The following WDFY3 variants were observed in gnomAD, a reference collection of about 807,000 sequenced individuals.
The protein encoded by WDFY3 is WD repeat and FYVE domain-containing protein 3.
Under a neutral mutation model 409.6 loss-of-function variants are expected in WDFY3, and 66 were observed. That is an observed-to-expected ratio of 0.16 (90% CI 0.13 to 0.20). The LOEUF (loss-of-function observed/expected upper bound fraction) is 0.20, where lower values mean the gene tolerates loss of function less well. WDFY3 is among the 10% of genes least tolerant of loss of function. The pLI is 1.00. For synonymous variants in WDFY3, 1,521 were observed against 1,537.1 expected (o/e 0.99, Z 0.25); for missense variants, 3,031 against 4,298.1 (o/e 0.71, Z 8.24).
Position 84,704,318 on chromosome 4 carries a change from C to T in WDFY3, c.8442+20G>A. 6.5e-7 allele frequency: 1 copy of T among 1,544,118 alleles called. No homozygotes were observed. Among genetic ancestry groups the T allele is most frequent in the Non-Finnish European group, 8.8e-7 (1 of 1,137,300 alleles). On this transcript the variant is annotated intron_variant, in intron 55 of 67. Coordinates refer to ENST00000295888, the MANE Select transcript of WDFY3 (RefSeq NM_014991.6). ...AGTAGGCTTGTATAAAATAGAAAAA[C>T]CCCAAATTTAAAGTTTTACCTGTAG...
intron 15 of WDFY3, among the ~76,000 whole-genome samples, 171 bp from the exon 16 acceptor site, chr4:84,803,638 ATG>A (rs1023770214): frequency 6.6e-6 from 1 of 152,074 alleles, no homozygotes; most frequent in African/African-American, 2.4e-5. Context: ...GTGTGTCCGC[ATG>A]TGTGTGGGTG....
intron 2 of WDFY3, among the ~76,000 whole-genome samples, chr4:84,919,653 A>G (rs1031496695): frequency 6.6e-6 from 1 of 152,120 alleles, no homozygotes; most frequent in East Asian, 1.9e-4. Context: ...TAATGGTTTT[A>G]TAAGGGACTT....
intron 57 of WDFY3, among the ~76,000 whole-genome samples, chr4:84,696,518 T>C (rs927090320): frequency 2.6e-5 from 4 of 152,180 alleles, no homozygotes; most frequent in East Asian, 1.9e-4. Flanking sequence ...TATATATGTA[T>C]AGGAAAATAC....
At chr4:84,729,001 CATTTATACATT>C (rs1233002299) in intron 44 of WDFY3, among the ~76,000 whole-genome samples, 1 of 151,930 alleles carries the variant, frequency 6.6e-6, no homozygotes, top group African/African-American at 2.4e-5. Flanking sequence ...AGTCTTGTGA[CATTTATACATT>C]ATATAAAAAT....
At position 84,829,015 on chromosome 4, in the gene WDFY3, A is replaced by G. The variant is rs1560865520; in HGVS notation, c.945T>C (p.Asp315=). The G allele has an allele frequency of 2.5e-6, 4 of 1,609,870 alleles. No individual in the cohort carries two copies. The highest frequency in any genetic ancestry group is 3.4e-6 in the Non-Finnish European group (4 of 1,178,042). ...RIWQGYNFLC[D]LLLRLEQAKE... ...TTGAGCAGTCTTACCTAAGCAAGAG[A>G]TCACAAAGAAAATTATATCCTTGCC... is the stretch of plus-strand genomic sequence containing the variant. The change falls in exon 9 of 68, where the codon GAT becomes GAC. Residue 315 remains aspartate (D), a synonymous_variant. Transcript: ENST00000295888.
At chr4:84,676,566 G>C (rs968836668) in intron 67 of WDFY3, among the ~76,000 whole-genome samples, 1 of 151,096 alleles carries the variant, frequency 6.6e-6, no homozygotes, top group Admixed American at 6.6e-5. Context: ...GATGTGCATT[G>C]TAGCATTATT....
rs192079206 is a variant in WDFY3, at chr4:84,709,525, C to T, written c.8043-178G>A. Among the ~76,000 whole-genome samples, 41 of 152,292 alleles carry T rather than the reference C, an allele frequency of 2.7e-4. No individual in the cohort carries two copies. In the East Asian group the frequency reaches 7.9e-3, roughly 29 times the overall value. On this transcript the variant is annotated intron_variant, in intron 51 of 67. Transcript: ENST00000295888. Reference sequence around the variant, plus strand: ...ATCAGCATTTTGAAATATGAAGTAACATAGAACTGAACTGAAGAAAACAGA... The same window carrying T: ...ATCAGCATTTTGAAATATGAAGTAATATAGAACTGAACTGAAGAAAACAGA...
intron 32 of WDFY3, among the ~76,000 whole-genome samples, chr4:84,762,405 C>T (rs980598390): frequency 1.4e-5 from 2 of 139,430 alleles, no homozygotes; most frequent in African/African-American, 2.7e-5. Context: ...TAGGTGGGAA[C>T]TGAATAATGA....
intron 67 of WDFY3, among the ~76,000 whole-genome samples, chr4:84,675,382 C>A (rs1053334877): frequency 1.3e-4 from 20 of 152,316 alleles, no homozygotes; most frequent in Non-Finnish European, 2.6e-4. Context: ...CATCTTGAAC[C>A]AGACTGCCCA....
chr4:84,759,542 A>G (rs1352569013), intron 32 of WDFY3, among the ~76,000 whole-genome samples: 1 of 150,738 alleles, frequency 6.6e-6, no homozygotes, highest in Non-Finnish European at 1.5e-5. Context: ...GTGGATTCCT[A>G]GGTATTTTAT....
intron 2 of WDFY3, among the ~76,000 whole-genome samples, chr4:84,928,741 AACCTCAG>A (rs1256633531): frequency 2.6e-5 from 4 of 152,190 alleles, no homozygotes; most frequent in Admixed American, 2.6e-4. Flanking sequence ...TAATCTTAAT[AACCTCAG>A]ACCTCTTACT....
chr4:84,684,239 T>C (rs1727918218), intron 62 of WDFY3, 114 bp from the exon 63 acceptor site: 1 of 974,364 alleles, frequency 1.0e-6, no homozygotes, highest in Non-Finnish European at 1.4e-6. Flanking sequence ...GTCCTAAGAC[T>C]AGTGGCTAAT....
rs1334249162 is a variant in WDFY3, at chr4:84,765,833, G to A, written c.5165C>T (p.Thr1722Ile). ...ACCTAATACAGTTCCAATCTTATTA[G>A]TTAAGACAGAATCTGTCTGTTCAAG... ...GWLEQTDSVL[T>I]NKIGTVLGFN... is the part of the protein sequence containing the mutation. The change falls in exon 32 of 68, where the codon ACT becomes ATT. Residue 1722 changes from threonine (T) to isoleucine (I), a missense_variant. Thr to Ile is a moderately conservative substitution (Grantham distance 89). This residue lies in a region of WDFY3 where 342 missense variants were observed against 463.7 expected (regional missense o/e 0.74). Coordinates refer to ENST00000295888, the MANE Select transcript of WDFY3 (RefSeq NM_014991.6). 4 of 1,613,844 alleles carry A rather than the reference G, an allele frequency of 2.5e-6. No homozygotes were observed. The South Asian group carries it at 4.4e-5, about 18-fold the overall frequency.
At chr4:84,822,404 G>A (rs1754203282) in intron 10 of WDFY3, among the ~76,000 whole-genome samples, 1 of 152,106 alleles carries the variant, frequency 6.6e-6, no homozygotes, top group African/African-American at 2.4e-5. Context: ...AGTAAATGGA[G>A]CAGAAAGAAC....
At chr4:84,753,638 A>ACTAATTCCAGTTCTGACATT in intron 35 of WDFY3, 59 bp downstream of exon 35, 3 of 1,481,698 alleles carry the variant, frequency 2.0e-6, no homozygotes, top group Non-Finnish European at 2.7e-6. Flanking sequence ...ATTGAAACAG[A>ACTAATTCCAGTTCTGACATT]CTAATTCCAG....
At chr4:84,705,341 G>T in intron 54 of WDFY3, 53 bp downstream of exon 54, 6 of 1,435,990 alleles carry the variant, frequency 4.2e-6, no homozygotes, top group South Asian at 2.4e-5. Flanking sequence ...GCTACATAAT[G>T]ACTTACTTTT....
At chr4:84,842,249 G>T (rs1402137951) in intron 5 of WDFY3, among the ~76,000 whole-genome samples, 1 of 152,120 alleles carries the variant, frequency 6.6e-6, no homozygotes, top group Non-Finnish European at 1.5e-5. Context: ...GGCCAAGGCG[G>T]GCAGATCACC....
chr4:84,807,768 C>G (rs1320853361), intron 15 of WDFY3, among the ~76,000 whole-genome samples: 2 of 151,998 alleles, frequency 1.3e-5, no homozygotes, highest in African/African-American at 4.8e-5. Context: ...GAGCACTGAT[C>G]AAAGTAAGTA....
In WDFY3 at chr4:84,739,090, T is replaced by G. The variant is rs765103786; in HGVS notation, c.6494A>C (p.Glu2165Ala). ...AATGTGCCATGTGGTCATGCGGGCT[T>G]CTGCTTCCAGTCCAAATCCATCCAC... is the stretch of plus-strand genomic sequence containing the variant. ...SNVDGFGLEAEARMTTWHIMI... is the reference protein window; with the variant it reads ...SNVDGFGLEAAARMTTWHIMI... Residue 2165 changes from glutamate to alanine, a missense_variant, in exon 40 of 68, where the codon GAA becomes GCA. Transcript: ENST00000295888. 6.2e-7 allele frequency: 1 copy of G among 1,614,168 alleles called. No homozygotes were observed. Among genetic ancestry groups the G allele is most frequent in the South Asian group, 1.1e-5 (1 of 91,082 alleles).
Sources: allele counts gnomAD v4.1 joint callset (sites outside exome capture counted in the v4.1 genomes callset), GRCh38; gene constraint gnomAD v4.1.1; regional missense constraint gnomAD v4.1.1; transcripts MANE v1.5; gene names NCBI Gene and HGNC (gene_info 2026-07-23, HGNC 2026-07-21).